Variants in CREB5 observed in about 807,000 individuals in gnomAD.
The protein encoded by CREB5 is cyclic AMP-responsive element-binding protein 5.
In CREB5, 19 loss-of-function variants were observed where a neutral mutation model predicts 57.1. The observed-to-expected ratio is 0.33, with a 90% CI of 0.23 to 0.49. CREB5 has a LOEUF of 0.49. Among genes scored for constraint, CREB5 ranks in the 20% least tolerant of loss-of-function variants. CREB5 has a pLI of 0.99. For synonymous variants in CREB5, 238 were observed against 238.3 expected (o/e 1.00, Z 0.01); for missense variants, 579 against 671.6 (o/e 0.86, Z 1.52).
chr7:28,380,735 C>T (rs1786951311), intron 1 of CREB5, among the ~76,000 whole-genome samples: 2 of 152,168 alleles, frequency 1.3e-5, no homozygotes, highest in South Asian at 4.1e-4. Context: ...AAGCTGTCAC[C>T]ATTTTTGACT....
chr7:28,454,233 A>G (rs1026466328), intron 1 of CREB5, among the ~76,000 whole-genome samples: 2 of 152,138 alleles, frequency 1.3e-5, no homozygotes, highest in Non-Finnish European at 2.9e-5. Flanking sequence ...GTTTACAGGC[A>G]TGAGCCACCA....
At chr7:28,650,075 T>C (rs1005063684) in intron 5 of CREB5, among the ~76,000 whole-genome samples, 35 of 152,206 alleles carry the variant, frequency 2.3e-4, no homozygotes, top group African/African-American at 8.2e-4. Context: ...ATCTGTTGAA[T>C]TGTGTACACA....
chr7:28,401,749 T>C (rs1787468786), intron 1 of CREB5, among the ~76,000 whole-genome samples: 1 of 152,234 alleles, frequency 6.6e-6, no homozygotes, highest in Non-Finnish European at 1.5e-5. Flanking sequence ...AACTCATCCT[T>C]TTTTATGGCT....
chr7:28,774,704 C>A (rs1806521972), intron 7 of CREB5, among the ~76,000 whole-genome samples: 1 of 152,162 alleles, frequency 6.6e-6, no homozygotes, highest in African/African-American at 2.4e-5. Flanking sequence ...AAAACACAGC[C>A]CCCACTGCTA....
At chr7:28,360,177 C>T (rs1248537467) in intron 1 of CREB5, among the ~76,000 whole-genome samples, 2 of 152,102 alleles carry the variant, frequency 1.3e-5, no homozygotes, top group East Asian at 3.9e-4. Flanking sequence ...CCTCAAAAAG[C>T]TAAGAATAGA....
intron 4 of CREB5, among the ~76,000 whole-genome samples, chr7:28,550,286 T>C (rs976434271): frequency 6.6e-6 from 1 of 152,138 alleles, no homozygotes; most frequent in Non-Finnish European, 1.5e-5. Flanking sequence ...ATTTTAGCCC[T>C]GAAGAGCTAA....
At chr7:28,670,849 A>G (rs994055281) in intron 5 of CREB5, among the ~76,000 whole-genome samples, 7 of 152,190 alleles carry the variant, frequency 4.6e-5, no homozygotes, top group Non-Finnish European at 7.3e-5. Context: ...AACAATTTGT[A>G]AAGAAATCCA....
At chr7:28,569,382 T>A (rs1583643993) in intron 4 of CREB5, among the ~76,000 whole-genome samples, 1 of 152,202 alleles carries the variant, frequency 6.6e-6, no homozygotes, top group East Asian at 1.9e-4. Context: ...CCCAATGTGT[T>A]GATCAGCCTT....
chr7:28,610,519 AT>A (rs1183283372), intron 5 of CREB5, among the ~76,000 whole-genome samples: 5 of 152,174 alleles, frequency 3.3e-5, no homozygotes, highest in Admixed American at 3.3e-4. Flanking sequence ...AGGGACCTAA[AT>A]CCCCCAGGCT....
intron 1 of CREB5, among the ~76,000 whole-genome samples, chr7:28,335,770 G>T (rs368821905): frequency 6.6e-6 from 1 of 152,086 alleles, no homozygotes; most frequent in East Asian, 1.9e-4. Flanking sequence ...GGACATCTTT[G>T]TCATTTTCTA....
chr7:28,436,119 A>AT (rs5883133), intron 1 of CREB5, among the ~76,000 whole-genome samples: 147,977 of 151,250 alleles, frequency 0.98, 72,400 homozygotes, highest in East Asian at 1. Flanking sequence ...CACAAAGTGA[A>AT]TTTTTTTTTG....
rs375468462 is a variant in CREB5, at chr7:28,706,356, C to CA, written c.465-12384dup. Among the ~76,000 whole-genome samples, 1,117 of 141,426 alleles carry CA rather than the reference C, an allele frequency of 7.9e-3. 7 individuals are homozygous for CA. The highest frequency in any genetic ancestry group is 0.022 in the African/African-American group (841 of 38,696). The allele number at this position is 141,426 out of a possible 152,430, so 92.8% of individuals were successfully genotyped here. On this transcript the variant is annotated intron_variant, in intron 5 of 10. Coordinates refer to ENST00000357727, the MANE Select transcript of CREB5 (RefSeq NM_182898.4). ...GGGCAACAAGAGTAAAACTCCATCT[C>CA]AAAAAAAAAAAAATCTTTCTAGCAC...
At chr7:28,644,186 A>G (rs1798801749) in intron 5 of CREB5, among the ~76,000 whole-genome samples, 1 of 151,484 alleles carries the variant, frequency 6.6e-6, no homozygotes, top group Non-Finnish European at 1.5e-5. Flanking sequence ...AGAAAAAGGG[A>G]AAGGAAGGGA....
chr7:28,788,819 C>T (rs1807487252), intron 7 of CREB5, among the ~76,000 whole-genome samples: 1 of 145,594 alleles, frequency 6.9e-6, no homozygotes, highest in Non-Finnish European at 1.5e-5. Context: ...GGTTAAAACC[C>T]TCTTCTGGTT....
intron 5 of CREB5, among the ~76,000 whole-genome samples, chr7:28,669,033 A>G (rs189265325): frequency 1.8e-4 from 27 of 152,344 alleles, no homozygotes; most frequent in African/African-American, 6.3e-4. Context: ...TTCTTAGTCA[A>G]GAAAGAACAC....
intron 1 of CREB5, among the ~76,000 whole-genome samples, chr7:28,440,233 G>A (rs977116060): frequency 2.0e-5 from 3 of 152,146 alleles, no homozygotes; most frequent in African/African-American, 7.2e-5. Flanking sequence ...ATTTATTTAA[G>A]TATAGGTTTG....
At chr7:28,304,993 T>C (rs375638847) in intron 1 of CREB5, among the ~76,000 whole-genome samples, 1 of 152,184 alleles carries the variant, frequency 6.6e-6, no homozygotes, top group South Asian at 2.1e-4. Flanking sequence ...ATTTGCAACA[T>C]GTTTGTCAAA....
At chr7:28,668,908 G>A (rs1487815832) in intron 5 of CREB5, among the ~76,000 whole-genome samples, 1 of 152,106 alleles carries the variant, frequency 6.6e-6, no homozygotes, top group Non-Finnish European at 1.5e-5. Flanking sequence ...GGGCCCTCTT[G>A]CTGACCCTCA....
chr7:28,645,765 G>C (rs1798866281), intron 5 of CREB5, among the ~76,000 whole-genome samples: 1 of 152,220 alleles, frequency 6.6e-6, no homozygotes, highest in Non-Finnish European at 1.5e-5. Flanking sequence ...TGACTGGGCT[G>C]AGGGATGCCC....
Sources: allele counts gnomAD v4.1 joint callset (sites outside exome capture counted in the v4.1 genomes callset), GRCh38; gene constraint gnomAD v4.1.1; transcripts MANE v1.5; gene names NCBI Gene and HGNC (gene_info 2026-07-23, HGNC 2026-07-21).